The following HR variants were observed in gnomAD, a reference collection of about 807,000 sequenced individuals.
HR encodes the protein lysine-specific demethylase hairless.
In HR, 83 loss-of-function variants were observed where a neutral mutation model predicts 128.6. That is an observed-to-expected ratio of 0.65 (90% CI 0.54 to 0.77). HR has a LOEUF of 0.77. Among genes scored for constraint, HR ranks in the 30% least tolerant of loss-of-function variants. The probability of loss-of-function intolerance (pLI) is 0.00; values close to 1 mark genes in which losing one functional copy is unlikely to be tolerated. For missense variants in HR, 1,490 were observed against 1,574.6 expected (o/e 0.95, Z 0.91); for synonymous variants, 681 against 658.2 (o/e 1.03, Z -0.53).
chr8:22,115,279 C>T lies in HR; in HGVS notation c.*421G>A, dbSNP rs755688519. The T allele has an allele frequency of 5.7e-5, 17 of 297,942 alleles. No homozygotes were observed. The highest frequency in any genetic ancestry group is 1.5e-4 in the South Asian group (4 of 27,202). 18.5% of individuals were successfully genotyped at this position (297,942 alleles called of 1,614,324 possible). A position where few individuals can be genotyped will look rare whatever the true frequency, so the allele number is the denominator to read the frequency against. On this transcript the variant is annotated 3_prime_UTR_variant, in exon 19 of 19. Coordinates refer to ENST00000381418, the MANE Select transcript of HR (RefSeq NM_005144.5). Reference sequence around the variant, plus strand: ...GCCTGCAGTGAGCCCAGTGAGGATGCGGTGGTAGAAACGGAGCTGGGGCAG... The same window carrying T: ...GCCTGCAGTGAGCCCAGTGAGGATGTGGTGGTAGAAACGGAGCTGGGGCAG...
chr8:22,122,486 G>T lies in HR; in HGVS notation c.2121+7C>A. 6.3e-7 allele frequency: 1 copy of T among 1,595,474 alleles called. No individual in the cohort carries two copies. Among genetic ancestry groups the T allele is most frequent in the Non-Finnish European group, 8.6e-7 (1 of 1,169,410 alleles). On this transcript the variant is annotated splice_region_variant and intron_variant, in intron 8 of 18. Transcript: ENST00000381418. ...ATACCCAACCGGTGACATGCCCTGG[G>T]TCTTACCTGCTGGCCTGCATCCCCG...
Position 22,116,944 on chromosome 8 carries a change from G to T in HR, c.3309C>A (p.Gly1103=), listed in dbSNP as rs558767137. The T allele has an allele frequency of 2.6e-6, 4 of 1,545,306 alleles. No homozygotes were observed. The highest frequency in any genetic ancestry group is 3.5e-6 in the Non-Finnish European group (4 of 1,150,860). ...GLRRRLREEW[G]VSCWTLLQAP... The stretch of plus-strand genomic sequence containing the variant: ...CCTGGAGCAGGGTCCAGCAGCTCAC[G>T]CCCCACTCCTCCCGCAGGCGCCGCC... The change falls in exon 17 of 19, where the codon GGC becomes GGA. Residue 1103 remains glycine (G), a synonymous_variant. Transcript: ENST00000381418. This position sits in a 1 kb window ranked among gnomAD's most constrained non-coding sequence, Gnocchi z 4.2.
At position 22,123,651 on chromosome 8, in the gene HR, G is replaced by A; in HGVS notation, c.1913C>T (p.Ala638Val). The A allele has an allele frequency of 2.8e-6, 2 of 722,518 alleles. No homozygotes were observed. The highest frequency in any genetic ancestry group is 2.4e-5 in the South Asian group (1 of 40,874). 44.8% of individuals were successfully genotyped at this position (722,518 alleles called of 1,614,324 possible). The change falls in exon 6 of 19, where the codon GCA becomes GTA. Residue 638 changes from alanine (A) to valine (V), a missense_variant and splice_region_variant. This residue lies in a region of HR where 1,060 missense variants were observed against 1,060.9 expected (regional missense o/e 1.00). Transcript: ENST00000381418. The part of the protein sequence containing the change: ...VAGTGRAREK[A>V]GFQEQSAEEC... ...CCCACCCCCAGCCCCTCTCCTACCTGCTTTCTCCCTGGCCCGCCCAGTGCC... is the reference window on the plus strand; with the variant it reads ...CCCACCCCCAGCCCCTCTCCTACCTACTTTCTCCCTGGCCCGCCCAGTGCC...
chr8:22,128,986 G>T lies in HR; in HGVS notation c.185C>A (p.Pro62His). Residue 62 changes from proline to histidine, a missense_variant, in exon 2 of 19, where the codon CCC becomes CAC. Physicochemically the swap from Pro to His is moderately conservative, Grantham distance 77 (BLOSUM62 -2). Coordinates refer to ENST00000381418, the MANE Select transcript of HR (RefSeq NM_005144.5). Reference sequence around the variant, plus strand: ...CTTGGGGCCCTGGGGGAAGCCAGGGGGAAGCCAGGAGTCTGGGGTGCTCAG... The same window carrying T: ...CTTGGGGCCCTGGGGGAAGCCAGGGTGAAGCCAGGAGTCTGGGGTGCTCAG... The part of the protein sequence containing the change: ...GVLSTPDSWL[P>H]PGFPQGPKDM... 2 of 1,613,242 alleles carry T rather than the reference G, an allele frequency of 1.2e-6. No homozygotes were observed. Among genetic ancestry groups the T allele is most frequent in the Non-Finnish European group, 1.7e-6 (2 of 1,179,934 alleles).
At chr8:22,118,691 G>A in intron 16 of HR, 1 of 561,374 alleles carries the variant, frequency 1.8e-6, no homozygotes, top group Non-Finnish European at 3.2e-6. Context: ...ACCACGTCCA[G>A]CCTCGGGCAG....
intron 1 of HR, 88 bp downstream of exon 1, chr8:22,130,340 G>A (rs1196993357): frequency 6.6e-6 from 1 of 152,290 alleles, no homozygotes; most frequent in Non-Finnish European, 1.5e-5. Flanking sequence ...ACAGGGGCAC[G>A]GGGAACACGC....
chr8:22,126,191 C>T (rs548380910), intron 3 of HR, among the ~76,000 whole-genome samples: 19 of 152,340 alleles, frequency 1.2e-4, no homozygotes, highest in African/African-American at 4.3e-4. Context: ...CCCAAGAAGG[C>T]GAAGGGGCCA....
rs754564365 is a variant in HR, at chr8:22,122,856, C to T, written c.1939G>A (p.Glu647Lys). The stretch of plus-strand genomic sequence containing the variant: ...GCGTGCCCGGCCTCCTGCGTGCACT[C>T]CTCCGCGGACTGCTCCTGAAAGCCT... ...KAGFQEQSAE[E>K]CTQEAGHAAC... Residue 647 changes from glutamate to lysine, a missense_variant, in exon 7 of 19, where the codon GAG becomes AAG. Around this residue, in one of 3 missense-constraint regions of HR, gnomAD observed 1,060 missense variants for 1,060.9 expected, o/e 1.00. Transcript: ENST00000381418. The T allele has an allele frequency of 2.8e-5, 43 of 1,554,344 alleles. 1 individual carries two copies.
At position 22,116,824 on chromosome 8, in the gene HR, C is replaced by A; in HGVS notation, c.3378+51G>T. 1 of 1,543,670 alleles carries A rather than the reference C, an allele frequency of 6.5e-7. No homozygotes were observed. Among genetic ancestry groups the A allele is most frequent in the Non-Finnish European group, 8.7e-7 (1 of 1,148,128 alleles). On this transcript the variant is annotated intron_variant, in intron 17 of 18. Coordinates refer to ENST00000381418, the MANE Select transcript of HR (RefSeq NM_005144.5). This position sits in a 1 kb window ranked among gnomAD's most constrained non-coding sequence, Gnocchi z 4.2. ...TGGATGCCTGCGGCCTTGATTGGGT[C>A]GCTTCTGCCATCCTGATCTCCCCGC...
rs577013568 is a variant in HR, at chr8:22,116,101, C to T, written c.3507+199G>A. On this transcript the variant is annotated intron_variant, in intron 18 of 18. Coordinates refer to ENST00000381418, the MANE Select transcript of HR (RefSeq NM_005144.5). The surrounding 1 kb of genome is among the most constrained non-coding windows in gnomAD (Gnocchi z 4.2). ...AGGGAGCTGAGATAGTGCCACTGCA[C>T]TCCAGCCTAGGTGACAGAACAAGAC... Among the ~76,000 whole-genome samples, 4 of 152,350 alleles carry T rather than the reference C, an allele frequency of 2.6e-5. No homozygotes were observed. The South Asian group carries it at 8.3e-4, about 32-fold the overall frequency.
intron 5 of HR, among the ~76,000 whole-genome samples, chr8:22,124,427 A>C (rs749925654): frequency 9.2e-5 from 14 of 152,198 alleles, no homozygotes; most frequent in Non-Finnish European, 1.9e-4. Flanking sequence ...CAAGTATGAG[A>C]CTAAGCCATT....
Position 22,123,829 on chromosome 8 carries a change from A to C in HR, c.1751-16T>G. ...GGCCCTTGGCCTGCTGACCACGGAG[A>C]GAACAGGGTCAGAGGGTGAAGGCAA... On this transcript the variant is annotated splice_polypyrimidine_tract_variant and intron_variant, in intron 5 of 18. Transcript: ENST00000381418. 6.3e-7 allele frequency: 1 copy of C among 1,591,662 alleles called. No individual in the cohort carries two copies. The highest frequency in any genetic ancestry group is 8.5e-7 in the Non-Finnish European group (1 of 1,172,484).
intron 8 of HR, among the ~76,000 whole-genome samples, 156 bp downstream of exon 8, chr8:22,122,337 G>T (rs1435991279): frequency 6.6e-6 from 1 of 152,120 alleles, no homozygotes; most frequent in Non-Finnish European, 1.5e-5. Flanking sequence ...CAGCGCTGGA[G>T]ATCATGCATG....
chr8:22,128,682 C>A lies in HR; in HGVS notation c.489G>T (p.Leu163Phe), dbSNP rs1384363372. 6.3e-7 allele frequency: 1 copy of A among 1,585,268 alleles called. No individual in the cohort carries two copies. The highest frequency in any genetic ancestry group is 2.3e-5 in the East Asian group (1 of 43,960). The change falls in exon 2 of 19, where the codon TTG becomes TTT. Residue 163 changes from leucine (L) to phenylalanine (F), a missense_variant. This residue lies in a region of HR where 1,060 missense variants were observed against 1,060.9 expected (regional missense o/e 1.00). Coordinates refer to ENST00000381418, the MANE Select transcript of HR (RefSeq NM_005144.5). ...GCAGGCCAGACACTAGGTAGGGTGG[C>A]AAGCAGGTGGGCACCCAGAAGGGAG... ...ERAPFWVPTC[L>F]PPYLVSGLPP... is the part of the protein sequence containing the mutation.
At chr8:22,119,342 C>T in intron 14 of HR, 59 bp from the exon 15 acceptor site, 3 of 1,608,422 alleles carry the variant, frequency 1.9e-6, no homozygotes, top group Admixed American at 1.7e-5. Flanking sequence ...GGCGCGGTTG[C>T]TCACGCCTGT....
At chr8:22,119,654 G>T in intron 14 of HR, 106 bp downstream of exon 14, 54 of 1,241,250 alleles carry the variant, frequency 4.4e-5, no homozygotes, top group Non-Finnish European at 5.2e-5. Context: ...TGGAATCAGA[G>T]AAGCGCTTCA....
Position 22,116,185 on chromosome 8 carries a change from A to G in HR, c.3507+115T>C. On this transcript the variant is annotated intron_variant, in intron 18 of 18. Coordinates refer to ENST00000381418, the MANE Select transcript of HR (RefSeq NM_005144.5). The surrounding 1 kb of genome is among the most constrained non-coding windows in gnomAD (Gnocchi z 4.2). ...CAAAAGGAATACTCTGCCCCTGCAC[A>G]GGGTGGCTGCCTGCTTGGCACAGGG... 2 of 1,435,532 alleles carry G rather than the reference A, an allele frequency of 1.4e-6. No homozygotes were observed. The highest frequency in any genetic ancestry group is 1.2e-5 in the South Asian group (1 of 85,032). The allele number at this position is 1,435,532 out of a possible 1,614,324, so 88.9% of individuals were successfully genotyped here.
In HR at chr8:22,127,709, G is replaced by A. The variant is rs752075240; in HGVS notation, c.733C>T (p.Arg245Cys). 24 of 1,608,036 alleles carry A rather than the reference G, an allele frequency of 1.5e-5. No homozygotes were observed. Among genetic ancestry groups the A allele is most frequent in the South Asian group, 3.3e-5 (3 of 91,090 alleles). ...GHLQRAGEAE[R>C]PSLHQRDGEM... ...CCATCCCTCTGGTGCAGTGAAGGGC[G>A]TTCGGCCTCCCCGGCTCTCTGCAGG... The change falls in exon 3 of 19, where the codon CGC becomes TGC. Residue 245 changes from arginine (R) to cysteine (C), a missense_variant. By Grantham distance (180) the Arg-to-Cys change is radical. Coordinates refer to ENST00000381418, the MANE Select transcript of HR (RefSeq NM_005144.5).
chr8:22,127,027 G>A lies in HR; in HGVS notation c.1405+10C>T, dbSNP rs754618187. The A allele has an allele frequency of 6.2e-7, 1 of 1,610,354 alleles. No homozygotes were observed. The highest frequency in any genetic ancestry group is 8.5e-7 in the Non-Finnish European group (1 of 1,179,068). On this transcript the variant is annotated intron_variant, in intron 3 of 18. Transcript: ENST00000381418. ...CACGCAGGGCCTGCAGCCCCTCCTG[G>A]CCCCCTTACCTTTCTGCTCATCATG... is the stretch of plus-strand genomic sequence containing the variant.
Sources: allele counts gnomAD v4.1 joint callset (sites outside exome capture counted in the v4.1 genomes callset), GRCh38; gene constraint gnomAD v4.1.1; regional missense constraint gnomAD v4.1.1; non-coding constraint Gnocchi (gnomAD v3.1); transcripts MANE v1.5; gene names NCBI Gene and HGNC (gene_info 2026-07-23, HGNC 2026-07-21).